TRIQK: variants seen among roughly 807,000 people sequenced by gnomAD.
The protein encoded by TRIQK is triple QxxK/R motif containing.
Under a neutral mutation model 10.8 loss-of-function variants are expected in TRIQK, and 10 were observed. The ratio of observed to expected loss-of-function variants is 0.92; its 90% CI spans 0.57 to 1.57. The LOEUF (loss-of-function observed/expected upper bound fraction) is 1.57, where lower values mean the gene tolerates loss of function less well. Among genes scored for constraint, TRIQK ranks in the 40% most tolerant of loss-of-function variants. The pLI is 0.00. For synonymous variants in TRIQK, 33 were observed against 33.7 expected (o/e 0.98, Z 0.07); for missense variants, 107 against 97.7 (o/e 1.09, Z -0.40).
intron 1 of TRIQK, among the ~76,000 whole-genome samples, chr8:92,957,276 A>G (rs1302346106): frequency 6.6e-6 from 1 of 151,806 alleles, no homozygotes; most frequent in Non-Finnish European, 1.5e-5. Flanking sequence ...AAATATACAT[A>G]TGCATGTATG....
chr8:92,934,731 T>C (rs1810898494), intron 2 of TRIQK, among the ~76,000 whole-genome samples: 1 of 151,950 alleles, frequency 6.6e-6, no homozygotes, highest in Admixed American at 6.6e-5. Flanking sequence ...AAACAGATTG[T>C]GGTATTATAA....
chr8:92,892,160 T>C (rs1816801888), intron 3 of TRIQK, 86 bp from the exon 4 acceptor site: 1 of 992,732 alleles, frequency 1.0e-6, no homozygotes, highest in Non-Finnish European at 1.4e-6. Flanking sequence ...AATGTTTAAA[T>C]ACAGTGAAAC....
chr8:92,959,866 A>G (rs1812365466), intron 1 of TRIQK, among the ~76,000 whole-genome samples: 1 of 152,140 alleles, frequency 6.6e-6, no homozygotes, highest in African/African-American at 2.4e-5. Context: ...TTGCCATCAC[A>G]CAAGAATTAC....
intron 1 of TRIQK, among the ~76,000 whole-genome samples, chr8:92,957,088 A>G (rs1189038530): frequency 1.3e-5 from 2 of 151,808 alleles, no homozygotes; most frequent in Non-Finnish European, 2.9e-5. Flanking sequence ...AAAGTAGCAG[A>G]GATTAGAACT....
intron 3 of TRIQK, among the ~76,000 whole-genome samples, chr8:92,899,045 G>T: frequency 6.8e-6 from 1 of 147,890 alleles, no homozygotes; most frequent in Non-Finnish European, 1.5e-5. Context: ...AGGCCAGAGT[G>T]CAGTGGCACA....
chr8:92,927,333 A>G (rs957821983), intron 2 of TRIQK, among the ~76,000 whole-genome samples: 1 of 152,160 alleles, frequency 6.6e-6, no homozygotes, highest in Non-Finnish European at 1.5e-5. Context: ...ATCTAAAGGT[A>G]GAAAAGGAAG....
At chr8:92,956,645 A>T (rs1812186490) in intron 1 of TRIQK, among the ~76,000 whole-genome samples, 1 of 151,876 alleles carries the variant, frequency 6.6e-6, no homozygotes, top group South Asian at 2.1e-4. Flanking sequence ...ATTTTAGATT[A>T]TAAAAATGTA....
chr8:92,950,660 C>T (rs1167810067), intron 2 of TRIQK, among the ~76,000 whole-genome samples: 1 of 152,104 alleles, frequency 6.6e-6, no homozygotes, highest in East Asian at 1.9e-4. Context: ...AAAACTGGTT[C>T]TGCCATAAGA....
chr8:92,903,374 T>C (rs1298549096), intron 3 of TRIQK, among the ~76,000 whole-genome samples: 2 of 152,166 alleles, frequency 1.3e-5, no homozygotes, highest in South Asian at 2.1e-4. Context: ...AATGTCTACA[T>C]ATAAAGAATT....
chr8:92,935,410 A>C (rs546445849), intron 2 of TRIQK, among the ~76,000 whole-genome samples: 1 of 151,860 alleles, frequency 6.6e-6, no homozygotes, highest in East Asian at 1.9e-4. Context: ...CACCGTCTAC[A>C]TATTCTGTTT....
chr8:92,942,988 T>A (rs866306297), intron 2 of TRIQK, among the ~76,000 whole-genome samples: 2 of 151,968 alleles, frequency 1.3e-5, no homozygotes, highest in Middle Eastern at 6.8e-3. Context: ...CCACTACGCT[T>A]GGCTGACAAA....
At chr8:92,993,643 T>C (rs1243956492) in intron 1 of TRIQK, among the ~76,000 whole-genome samples, 4 of 152,206 alleles carry the variant, frequency 2.6e-5, no homozygotes, top group African/African-American at 9.6e-5. Context: ...ATCATGGAGA[T>C]ATCTGCACCG....
At chr8:92,991,719 T>C (rs1486725453) in intron 1 of TRIQK, among the ~76,000 whole-genome samples, 1 of 152,186 alleles carries the variant, frequency 6.6e-6, no homozygotes, top group Non-Finnish European at 1.5e-5. Flanking sequence ...AAATTGTCTC[T>C]GTTTGCAGAT....
intron 1 of TRIQK, among the ~76,000 whole-genome samples, chr8:92,985,870 A>G (rs1254693387): frequency 1.3e-5 from 2 of 152,158 alleles, no homozygotes; most frequent in Non-Finnish European, 2.9e-5. Flanking sequence ...CAAAATTAGT[A>G]AGAATCCAAT....
At chr8:92,945,984 G>A (rs1246611092) in intron 2 of TRIQK, among the ~76,000 whole-genome samples, 4 of 151,722 alleles carry the variant, frequency 2.6e-5, no homozygotes, top group African/African-American at 7.3e-5. Context: ...AAAAAAAAAT[G>A]ACTAAAATAT....
upstream of TRIQK, among the ~76,000 whole-genome samples, chr8:92,967,014 A>G (rs1226413990): frequency 6.7e-6 from 1 of 148,988 alleles, no homozygotes; most frequent in Admixed American, 6.7e-5. Context: ...TGAGACAAGT[A>G]TAAATAGACT....
intron 3 of TRIQK, among the ~76,000 whole-genome samples, chr8:92,906,920 T>G (rs1255005182): frequency 6.6e-6 from 1 of 151,558 alleles, no homozygotes; most frequent in African/African-American, 2.4e-5. Flanking sequence ...AATACTGGAC[T>G]TAGTGAACAG....
intron 1 of TRIQK, among the ~76,000 whole-genome samples, chr8:92,971,147 G>A (rs1038739176): frequency 6.6e-6 from 1 of 151,844 alleles, no homozygotes; most frequent in African/African-American, 2.4e-5. Context: ...CTGTTCCATT[G>A]GTCTATGTGT....
At chr8:92,975,725 C>T (rs1209790792) in intron 1 of TRIQK, among the ~76,000 whole-genome samples, 3 of 151,254 alleles carry the variant, frequency 2.0e-5, no homozygotes, top group Admixed American at 1.3e-4. Flanking sequence ...ATTTAATTTG[C>T]TCTTCTTGTT....
Sources: allele counts gnomAD v4.1 joint callset (sites outside exome capture counted in the v4.1 genomes callset), GRCh38; gene constraint gnomAD v4.1.1; transcripts MANE v1.5; gene names NCBI Gene and HGNC (gene_info 2026-07-23, HGNC 2026-07-21).